Variants in DNAH10 observed in about 807,000 individuals in gnomAD.
DNAH10 encodes axonemal beta dynein heavy chain 10.
Under a neutral mutation model 506.6 loss-of-function variants are expected in DNAH10, and 348 were observed. That is an observed-to-expected ratio of 0.69 (90% CI 0.63 to 0.75). DNAH10 has a LOEUF of 0.75. Among genes scored for constraint, DNAH10 ranks in the 30% least tolerant of loss-of-function variants. The pLI is 0.00. For missense variants in DNAH10, 5,179 were observed against 5,787.1 expected (o/e 0.89, Z 3.41); for synonymous variants, 2,059 against 2,198.6 (o/e 0.94, Z 1.78).
chr12:123,873,620 A>T lies in DNAH10; in HGVS notation c.7848A>T (p.Glu2616Asp), dbSNP rs2136993376. The change falls in exon 46 of 79, where the codon GAA becomes GAT. Residue 2616 changes from glutamate (E) to aspartate (D), a missense_variant. Physicochemically the swap from Glu to Asp is conservative, Grantham distance 45. Coordinates refer to ENST00000673944, the MANE Select transcript of DNAH10 (RefSeq NM_001372106.1). Reference sequence around the variant, plus strand: ...CCATGGATATCCAAAGAAATTTAGAAGCAAATGTGGAAAAGCGAACCAAAG... The same window carrying T: ...CCATGGATATCCAAAGAAATTTAGATGCAAATGTGGAAAAGCGAACCAAAG... ...TTSMDIQRNL[E>D]ANVEKRTKDT... The T allele has an allele frequency of 6.2e-7, 1 of 1,614,002 alleles. No homozygotes were observed. The highest frequency in any genetic ancestry group is 1.1e-5 in the South Asian group (1 of 91,080).
At chr12:123,823,174 A>C (rs1451058032) in intron 24 of DNAH10, among the ~76,000 whole-genome samples, 1 of 152,210 alleles carries the variant, frequency 6.6e-6, no homozygotes, top group Non-Finnish European at 1.5e-5. Flanking sequence ...GGTGCAGAAC[A>C]AGGCTTTCCA....
Position 123,853,236 on chromosome 12 carries a change from AAGCTGGCCCGGGAGC to A in DNAH10, c.6328_6342del (p.Ala2110_Leu2114del). 6.2e-7 allele frequency: 1 copy of A among 1,610,002 alleles called. No homozygotes were observed. Among genetic ancestry groups the A allele is most frequent in the Non-Finnish European group, 8.5e-7 (1 of 1,178,040 alleles). On this transcript the variant is annotated inframe_deletion, in exon 36 of 79. Transcript: ENST00000673944. The surrounding 1 kb of genome is among the most constrained non-coding windows in gnomAD (Gnocchi z 4.7). Reference sequence around the variant, plus strand: ...GGCGAAAAAGATGACGGTTCTGTATAAGCTGGCCCGGGAGCAGCTGTCCAAGCAGTATCACTATGA... The same window carrying A: ...GGCGAAAAAGATGACGGTTCTGTATAAGCTGTCCAAGCAGTATCACTATGA...
At chr12:123,809,642 G>A (rs952903721) in intron 19 of DNAH10, among the ~76,000 whole-genome samples, 13 of 123,138 alleles carry the variant, frequency 1.1e-4, no homozygotes, top group African/African-American at 5.3e-4. Flanking sequence ...GAGCAAGACC[G>A]TGTCTCTAAA....
In DNAH10 at chr12:123,930,406, T is replaced by C. The variant is rs370427736; in HGVS notation, c.12617T>C (p.Met4206Thr). 8.3e-5 allele frequency: 131 copies of C among 1,572,668 alleles called. No individual in the cohort carries two copies. The highest frequency in any genetic ancestry group is 1.1e-4 in the Non-Finnish European group (123 of 1,163,786). The stretch of plus-strand genomic sequence containing the variant: ...TCTCAGGCCCTCTAATTTCAGGTCA[T>C]GTATGGAGGACGGGCCATCGACAGC... Reference protein sequence around the residue: ...GSLKYLIGEVMYGGRAIDSFD... With the variant: ...GSLKYLIGEVTYGGRAIDSFD... Residue 4206 changes from methionine to threonine, a missense_variant, in exon 73 of 79, where the codon ATG (methionine) becomes ACG (threonine). By Grantham distance (81) the Met-to-Thr change is moderately conservative (BLOSUM62 -1). This residue lies in a region of DNAH10 where 4,844 missense variants were observed against 5,430.5 expected (regional missense o/e 0.89). Coordinates refer to ENST00000673944, the MANE Select transcript of DNAH10 (RefSeq NM_001372106.1).
chr12:123,784,503 C>T (rs1024965678), intron 8 of DNAH10, among the ~76,000 whole-genome samples: 9 of 151,952 alleles, frequency 5.9e-5, no homozygotes, highest in Admixed American at 2.0e-4. Flanking sequence ...GCCAAGATTG[C>T]GCCACTACAC....
intron 30 of DNAH10, among the ~76,000 whole-genome samples, chr12:123,845,207 C>G (rs569830478): frequency 1.3e-5 from 2 of 152,064 alleles, no homozygotes; most frequent in South Asian, 4.1e-4. Flanking sequence ...CTATGTTGCC[C>G]AGGCTAGTCT....
At chr12:123,830,782 A>T in intron 26 of DNAH10, 83 bp downstream of exon 26, 1 of 952,316 alleles carries the variant, frequency 1.1e-6, no homozygotes, top group Non-Finnish European at 1.4e-6. Context: ...ATCTATACTA[A>T]AAAAAAAAAA....
rs1047971198 is a variant in DNAH10, at chr12:123,909,185, T to C, written c.9816-76T>C. 21 of 1,551,602 alleles carry C rather than the reference T, an allele frequency of 1.4e-5. No homozygotes were observed. Among genetic ancestry groups the C allele is most frequent in the Non-Finnish European group, 2.6e-6 (3 of 1,146,424 alleles). Reference sequence around the variant, plus strand: ...GGACTGTCTTTTGGTTGAGCTCGTTTTTCTGGAGCTCTCTTTCAGGCCAGA... The same window carrying C: ...GGACTGTCTTTTGGTTGAGCTCGTTCTTCTGGAGCTCTCTTTCAGGCCAGA... On this transcript the variant is annotated intron_variant, in intron 57 of 78. Transcript: ENST00000673944. This position sits in a 1 kb window ranked among gnomAD's most constrained non-coding sequence, Gnocchi z 5.4.
chr12:123,824,648 C>A (rs1487971576), intron 24 of DNAH10, among the ~76,000 whole-genome samples: 1 of 152,128 alleles, frequency 6.6e-6, no homozygotes, highest in East Asian at 1.9e-4. Context: ...CTGGAGGCTG[C>A]AGAAGAGGCT....
intron 38 of DNAH10, 26 bp downstream of exon 38, chr12:123,859,294 C>T: frequency 6.5e-7 from 1 of 1,526,966 alleles, no homozygotes; most frequent in South Asian, 1.3e-5. Context: ...GTAGGGAGGG[C>T]CTGGCTGCCA....
At chr12:123,783,842 G>A in intron 7 of DNAH10, 105 bp from the exon 8 acceptor site, 1 of 1,046,158 alleles carries the variant, frequency 9.6e-7, no homozygotes, top group Non-Finnish European at 1.4e-6. Flanking sequence ...AGACCCTGAA[G>A]GATTGGAGCA....
At chr12:123,796,859 C>T in intron 13 of DNAH10, 27 bp downstream of exon 13, 1 of 1,551,282 alleles carries the variant, frequency 6.4e-7, no homozygotes, top group East Asian at 2.3e-5. Flanking sequence ...AGAATTGGCT[C>T]CTTTTGTATT....
intron 56 of DNAH10, among the ~76,000 whole-genome samples, chr12:123,900,245 C>G (rs1953457632): frequency 6.6e-6 from 1 of 152,158 alleles, no homozygotes; most frequent in Admixed American, 6.5e-5. Context: ...TTCTGGCCCC[C>G]TAAATGTAAA....
rs766540768 is a variant in DNAH10 at position 123,894,645 on chromosome 12, A to G, written c.9202A>G (p.Met3068Val). 1.2e-6 allele frequency: 2 copies of G among 1,613,668 alleles called. No homozygotes were observed. Among genetic ancestry groups the G allele is most frequent in the Admixed American group, 1.7e-5 (1 of 60,000 alleles). The change falls in exon 54 of 79, where the codon ATG (methionine) becomes GTG (valine). Residue 3068 changes from methionine to valine, a missense_variant and splice_region_variant. This residue lies in a region of DNAH10 where 4,844 missense variants were observed against 5,430.5 expected (regional missense o/e 0.89). Transcript: ENST00000673944. ...LRTWCRNFPG[M>V]VNNTGIDWFM... ...TTTAATCTCTCTTTCCTTTCAAGGTATGGTAAATAACACTGGTATTGACTG... is the reference window on the plus strand; with the variant it reads ...TTTAATCTCTCTTTCCTTTCAAGGTGTGGTAAATAACACTGGTATTGACTG...
At position 123,780,981 on chromosome 12, in the gene DNAH10, G is replaced by T. The variant is rs76149376; in HGVS notation, c.622-99G>T. Reference sequence around the variant, plus strand: ...AAAAAAAGAATATTCAAAACCAGAGGCAATTTGAATAAAGAATATTCAAAA... The same window carrying T: ...AAAAAAAGAATATTCAAAACCAGAGTCAATTTGAATAAAGAATATTCAAAA... On this transcript the variant is annotated intron_variant, in intron 5 of 78. Transcript: ENST00000673944. The T allele has an allele frequency of 1.0e-2, 8,340 of 836,152 alleles. 404 individuals carry two copies. The African/African-American group carries it at 0.11, about 11-fold the overall frequency. 51.8% of individuals were successfully genotyped at this position (836,152 alleles called of 1,614,324 possible). A position where few individuals can be genotyped will look rare whatever the true frequency, so the allele number is the denominator to read the frequency against.
chr12:123,799,243 T>A lies in DNAH10; in HGVS notation c.2164-3T>A. 6.2e-7 allele frequency: 1 copy of A among 1,604,002 alleles called. No individual in the cohort carries two copies. The highest frequency in any genetic ancestry group is 8.5e-7 in the Non-Finnish European group (1 of 1,173,330). On this transcript the variant is annotated splice_region_variant and splice_polypyrimidine_tract_variant and intron_variant, in intron 13 of 78. Coordinates refer to ENST00000673944, the MANE Select transcript of DNAH10 (RefSeq NM_001372106.1). ...AATGACGGTTGCTTGAATTCTTTGA[T>A]AGGTCAAACAAAAATATTTGGAAGT... is the stretch of plus-strand genomic sequence containing the variant.
At chr12:123,817,136 A>AT (rs201880449) in intron 21 of DNAH10, among the ~76,000 whole-genome samples, 3 of 132,800 alleles carry the variant, frequency 2.3e-5, no homozygotes, top group Non-Finnish European at 4.8e-5. Flanking sequence ...GCTTTTAAGA[A>AT]TTTTTTTTTG....
At chr12:123,835,584 T>C (rs767583474) in intron 28 of DNAH10, 56 bp downstream of exon 28, 64 of 1,566,598 alleles carry the variant, frequency 4.1e-5, no homozygotes, top group Non-Finnish European at 5.3e-5. Flanking sequence ...TTGAGATATT[T>C]GTACCTTTTT....
At chr12:123,824,942 C>T (rs1007254003) in intron 24 of DNAH10, among the ~76,000 whole-genome samples, 1 of 152,116 alleles carries the variant, frequency 6.6e-6, no homozygotes, top group African/African-American at 2.4e-5. Context: ...GCTATTCAGC[C>T]CGGTACACTT....
Sources: gnomAD v4.1 joint callset for allele counts (sites outside exome capture counted in the v4.1 genomes callset) on GRCh38, gnomAD v4.1.1 for gene constraint, gnomAD v4.1.1 regional missense constraint, Gnocchi (gnomAD v3.1) non-coding constraint, MANE v1.5 for transcripts, NCBI Gene and HGNC (gene_info 2026-07-23, HGNC 2026-07-21) for gene names.